NKAIN2: variants seen among roughly 807,000 people sequenced by gnomAD.
NKAIN2 encodes sodium/potassium transporting ATPase interacting 2.
A neutral mutation model predicts 32.6 loss-of-function variants in NKAIN2; 14 were observed. The observed-to-expected ratio is 0.43, with a 90% confidence interval of 0.28 to 0.67. NKAIN2 has a LOEUF of 0.67. Among genes scored for constraint, NKAIN2 ranks in the 30% least tolerant of loss-of-function variants. NKAIN2 has a pLI of 0.17. For synonymous variants in NKAIN2, 80 were observed against 87.2 expected (o/e 0.92, Z 0.46); for missense variants, 198 against 258.3 (o/e 0.77, Z 1.60).
chr6:124,794,107 C>G (rs2114814137), intron 5 of NKAIN2, among the ~76,000 whole-genome samples: 1 of 152,288 alleles, frequency 6.6e-6, no homozygotes, highest in African/African-American at 2.4e-5. Flanking sequence ...AGGTTTAGAG[C>G]TATCTAAAAT....
chr6:124,213,097 G>T (rs569848527), intron 1 of NKAIN2, among the ~76,000 whole-genome samples: 1 of 151,960 alleles, frequency 6.6e-6, no homozygotes, highest in Non-Finnish European at 1.5e-5. Context: ...CAGATTTTAC[G>T]TGCGAATATC....
At chr6:124,321,704 C>T (rs1010014303) in intron 2 of NKAIN2, among the ~76,000 whole-genome samples, 7 of 152,124 alleles carry the variant, frequency 4.6e-5, no homozygotes, top group African/African-American at 1.7e-4. Context: ...AACCTGAGCT[C>T]TGGATGGCTA....
chr6:124,574,448 T>A (rs1180932263), intron 3 of NKAIN2, among the ~76,000 whole-genome samples: 1 of 152,006 alleles, frequency 6.6e-6, no homozygotes, highest in Admixed American at 6.6e-5. Flanking sequence ...CGAAACCCTG[T>A]CTCTACTAAA....
At chr6:123,962,977 T>C (rs761928337) in intron 1 of NKAIN2, among the ~76,000 whole-genome samples, 12 of 152,176 alleles carry the variant, frequency 7.9e-5, no homozygotes, top group Non-Finnish European at 1.6e-4. Flanking sequence ...ATAGGTCAGC[T>C]CACTGTTATT....
rs1041745354 is a variant in NKAIN2 at position 124,790,559 on chromosome 6, C to A, written c.475-780C>A. Among the ~76,000 whole-genome samples the A allele has an allele frequency of 6.0e-4, 91 of 152,096 alleles. 1 individual carries two copies. The highest frequency in any genetic ancestry group is 2.1e-3 in the African/African-American group (88 of 41,500). On this transcript the variant is annotated intron_variant, in intron 4 of 6. Transcript: ENST00000368417. Reference sequence around the variant, plus strand: ...CAAAAAAAGAAAACAAATAGTTTTCCATTATCCAGATATTATATTTGTTTC... The same window carrying A: ...CAAAAAAAGAAAACAAATAGTTTTCAATTATCCAGATATTATATTTGTTTC...
intron 3 of NKAIN2, among the ~76,000 whole-genome samples, chr6:124,608,032 A>G (rs1010028008): frequency 2.6e-5 from 4 of 152,126 alleles, no homozygotes; most frequent in Non-Finnish European, 4.4e-5. Context: ...TCAACTTATG[A>G]TAGGTTTATT....
intron 4 of NKAIN2, among the ~76,000 whole-genome samples, chr6:124,674,771 T>C (rs560468724): frequency 6.6e-6 from 1 of 152,166 alleles, no homozygotes; most frequent in South Asian, 2.1e-4. Flanking sequence ...GTGTTTGATA[T>C]GGGTTTTACA....
At chr6:124,454,051 G>C (rs1156908557) in intron 3 of NKAIN2, among the ~76,000 whole-genome samples, 5 of 141,582 alleles carry the variant, frequency 3.5e-5, no homozygotes, top group Non-Finnish European at 7.6e-5. Flanking sequence ...AACCAGAAGA[G>C]TATAAAATTA....
At chr6:124,562,825 C>T (rs1415422163) in intron 3 of NKAIN2, among the ~76,000 whole-genome samples, 8 of 151,864 alleles carry the variant, frequency 5.3e-5, no homozygotes, top group Non-Finnish European at 1.0e-4. Flanking sequence ...TATCATATGC[C>T]ATATAGCTTC....
intron 3 of NKAIN2, among the ~76,000 whole-genome samples, chr6:124,631,727 C>G (rs1170901216): frequency 1.3e-5 from 2 of 152,148 alleles, no homozygotes; most frequent in Non-Finnish European, 2.9e-5. Context: ...ATCCCTCAGA[C>G]TTTTGATGTC....
rs73567530 is a variant in NKAIN2, at chr6:124,542,786, A to G, written c.274-115400A>G. Among the ~76,000 whole-genome samples, 439 of 152,302 alleles carry G rather than the reference A, an allele frequency of 2.9e-3. 2 individuals are homozygous for G. Among genetic ancestry groups the G allele is most frequent in the African/African-American group, 0.01 (425 of 41,580 alleles). ...TCATAAGCTCATGGTCATCAATATAATGCAATAGTTACTAAAATTTGCACG... is the reference window on the plus strand; with the variant it reads ...TCATAAGCTCATGGTCATCAATATAGTGCAATAGTTACTAAAATTTGCACG... On this transcript the variant is annotated intron_variant, in intron 3 of 6. Transcript: ENST00000368417.
intron 1 of NKAIN2, among the ~76,000 whole-genome samples, chr6:123,976,171 C>G (rs1749629553): frequency 6.7e-6 from 1 of 148,942 alleles, no homozygotes; most frequent in African/African-American, 2.5e-5. Context: ...TATAAATTAC[C>G]CAGTCTTGGG....
At chr6:124,413,337 A>G (rs1774304540) in intron 3 of NKAIN2, among the ~76,000 whole-genome samples, 3 of 152,204 alleles carry the variant, frequency 2.0e-5, no homozygotes, top group Admixed American at 2.0e-4. Flanking sequence ...CCGTTTATTG[A>G]AAAGCCTGTT....
intron 3 of NKAIN2, among the ~76,000 whole-genome samples, chr6:124,564,527 G>A (rs1205397662): frequency 6.6e-6 from 1 of 152,164 alleles, no homozygotes; most frequent in Non-Finnish European, 1.5e-5. Context: ...ACCTGCTCGG[G>A]TCCCATTACA....
intron 3 of NKAIN2, among the ~76,000 whole-genome samples, chr6:124,364,274 A>C (rs1287316254): frequency 1.3e-5 from 2 of 150,206 alleles, no homozygotes; most frequent in African/African-American, 2.4e-5. Context: ...TGTCAAAAAC[A>C]TATGGGTTCA....
chr6:124,027,910 A>G (rs1339697221), intron 1 of NKAIN2, among the ~76,000 whole-genome samples: 2 of 152,252 alleles, frequency 1.3e-5, no homozygotes, highest in East Asian at 3.9e-4. Context: ...CTTAATCAAA[A>G]TGTGTGGAGG....
At chr6:124,483,117 C>CA (rs1399013427) in intron 3 of NKAIN2, among the ~76,000 whole-genome samples, 1,573 of 141,164 alleles carry the variant, frequency 0.011, 26 homozygotes, top group African/African-American at 0.037. Context: ...GACTGTGTTT[C>CA]AAAAAAAAAA....
At chr6:124,392,263 GC>G (rs1423336190) in intron 3 of NKAIN2, among the ~76,000 whole-genome samples, 1 of 151,932 alleles carries the variant, frequency 6.6e-6, no homozygotes, top group Non-Finnish European at 1.5e-5. Context: ...GCTTTGTAAG[GC>G]CCGTATTTTA....
rs559994688 is a variant in NKAIN2 at position 123,852,848 on chromosome 6, A to G, written c.54+48594A>G. Reference sequence around the variant, plus strand: ...AAACACACATTGCCACAGAAAATCCAAAAAGAGGTGTTGTTGTGTAGAGTA... The same window carrying G: ...AAACACACATTGCCACAGAAAATCCGAAAAGAGGTGTTGTTGTGTAGAGTA... On this transcript the variant is annotated intron_variant, in intron 1 of 6. Transcript: ENST00000368417. 9.2e-5 allele frequency among the ~76,000 whole-genome samples: 14 copies of G among 152,316 alleles called. 1 individual carries two copies. The South Asian group carries it at 2.9e-3, about 32-fold the overall frequency.
Sources: gnomAD v4.1 joint callset for allele counts (sites outside exome capture counted in the v4.1 genomes callset) on GRCh38, gnomAD v4.1.1 for gene constraint, MANE v1.5 for transcripts, NCBI Gene and HGNC (gene_info 2026-07-23, HGNC 2026-07-21) for gene names.